Variants in MAPKAPK5 observed in about 807,000 individuals in gnomAD.
MAPKAPK5 encodes the protein MAP kinase-activated protein kinase 5.
In MAPKAPK5, 30 loss-of-function variants were observed where a neutral mutation model predicts 65.1. That is an observed-to-expected ratio of 0.46 (90% CI 0.34 to 0.63). The LOEUF (loss-of-function observed/expected upper bound fraction) is 0.63. MAPKAPK5 is among the 20% of genes least tolerant of loss of function. The pLI is 0.01. For missense variants in MAPKAPK5, 433 were observed against 581.4 expected, an observed-to-expected ratio of 0.74 and a Z score of 2.63; for synonymous variants, 179 against 204.6, an observed-to-expected ratio of 0.87 and a Z score of 1.07.
intron 13 of MAPKAPK5, among the ~76,000 whole-genome samples, chr12:111,891,773 C>G (rs1046569828): frequency 6.6e-6 from 1 of 150,550 alleles, no homozygotes; most frequent in African/African-American, 2.5e-5. Context: ...CACCACTGCA[C>G]TCCAGCCTGG....
In MAPKAPK5 at chr12:111,901,201, A is replaced by G. The variant is rs894568130; in HGVS notation, c.*8140A>G. 2.0e-5 allele frequency: 9 copies of G among 455,898 alleles called. No individual in the cohort carries two copies. Among genetic ancestry groups the G allele is most frequent in the African/African-American group, 1.8e-4 (9 of 50,040 alleles). The allele number at this position is 455,898 out of a possible 1,614,324, so 28.2% of individuals were successfully genotyped here. ...AATGGCACTTACTGTGCACCAAACA[A>G]AGTCTGCCTGAATTCCGCCTGCACA... is the stretch of plus-strand genomic sequence containing the variant. On this transcript the variant is annotated 3_prime_UTR_variant, in exon 14 of 14. Coordinates refer to ENST00000550735, the MANE Select transcript of MAPKAPK5 (RefSeq NM_003668.4).
intron 1 of MAPKAPK5, among the ~76,000 whole-genome samples, chr12:111,852,411 C>A (rs181366054): frequency 6.6e-6 from 1 of 152,176 alleles, no homozygotes; most frequent in African/African-American, 2.4e-5. Flanking sequence ...TGATGATGCA[C>A]CTCCACTTAA....
At chr12:111,848,392 C>G (rs528212350) in intron 1 of MAPKAPK5, among the ~76,000 whole-genome samples, 7 of 148,866 alleles carry the variant, frequency 4.7e-5, no homozygotes, top group Non-Finnish European at 7.4e-5. Context: ...GGTGAAGGGT[C>G]TGTTCCAATC....
rs540921141 is a variant in MAPKAPK5 at position 111,842,879 on chromosome 12, G to T, written c.36+110G>T. On this transcript the variant is annotated intron_variant, in intron 1 of 13. Transcript: ENST00000550735. Reference sequence around the variant, plus strand: ...AGTGAGAGGTTCCATCGACTACCGGGTTTCGGCCTCCCCCGGATTCCGTGG... The same window carrying T: ...AGTGAGAGGTTCCATCGACTACCGGTTTTCGGCCTCCCCCGGATTCCGTGG... The T allele has an allele frequency of 5.1e-5, 56 of 1,096,336 alleles. No individual in the cohort carries two copies. In the African/African-American group the frequency reaches 8.3e-4, roughly 16 times the overall value. 67.9% of individuals were successfully genotyped at this position (1,096,336 alleles called of 1,614,324 possible).
chr12:111,890,544 G>A (rs1007931282), intron 13 of MAPKAPK5, among the ~76,000 whole-genome samples: 6 of 152,184 alleles, frequency 3.9e-5, no homozygotes, highest in Admixed American at 2.0e-4. Flanking sequence ...TGCTGATCCC[G>A]CTGATCTGCT....
At chr12:111,879,462 T>C (rs1819300112) in intron 7 of MAPKAPK5, 1 of 148,742 alleles carries the variant, frequency 6.7e-6, no homozygotes, top group African/African-American at 2.5e-5. Flanking sequence ...CAATCTTGGC[T>C]CACCACAACC....
intron 9 of MAPKAPK5, 82 bp from the exon 10 acceptor site, chr12:111,885,834 T>A (rs1280825753): frequency 5.7e-6 from 9 of 1,576,002 alleles, no homozygotes; most frequent in Non-Finnish European, 6.9e-6. Context: ...TAACCAGAAC[T>A]GTTTAGAGCC....
chr12:111,855,777 A>G (rs1413554068), intron 1 of MAPKAPK5, among the ~76,000 whole-genome samples: 1 of 151,858 alleles, frequency 6.6e-6, no homozygotes. Context: ...CAGTGAGCCA[A>G]GATTGCGCCA....
Position 111,842,780 on chromosome 12 carries a change from G to A in MAPKAPK5, c.36+11G>A. On this transcript the variant is annotated intron_variant, in intron 1 of 13. Transcript: ENST00000550735. ...GACAAAGCCATCAAGGTAAGGGGGA[G>A]GTGCCCCCTCTTCCCCCGCGTTGTC... The A allele has an allele frequency of 7.6e-7, 1 of 1,323,444 alleles. No individual in the cohort carries two copies. Among genetic ancestry groups the A allele is most frequent in the Non-Finnish European group, 9.7e-7 (1 of 1,027,700 alleles). The allele number at this position is 1,323,444 out of a possible 1,614,324, so 82.0% of individuals were successfully genotyped here.
intron 1 of MAPKAPK5, among the ~76,000 whole-genome samples, chr12:111,848,632 T>C (rs2068975837): frequency 1.3e-5 from 2 of 151,692 alleles, no homozygotes; most frequent in African/African-American, 2.4e-5. Flanking sequence ...AGGCTGGTCT[T>C]GAACTCCTGA....
intron 1 of MAPKAPK5, among the ~76,000 whole-genome samples, chr12:111,850,654 T>A (rs1481307862): frequency 6.6e-6 from 1 of 152,066 alleles, no homozygotes; most frequent in East Asian, 1.9e-4. Context: ...CAGACAAAAA[T>A]GCCCTGTTCT....
chr12:111,874,690 T>C (rs1346214056), intron 7 of MAPKAPK5, among the ~76,000 whole-genome samples: 1 of 150,722 alleles, frequency 6.6e-6, no homozygotes, highest in Non-Finnish European at 1.5e-5. Context: ...CTCGAACTCC[T>C]GACCTCAGGT....
Position 111,900,514 on chromosome 12 carries a change from A to G in MAPKAPK5, c.*7453A>G, listed in dbSNP as rs1408605786. 2.2e-6 allele frequency: 1 copy of G among 455,986 alleles called. No homozygotes were observed. Among genetic ancestry groups the G allele is most frequent in the African/African-American group, 2.0e-5 (1 of 50,086 alleles). 28.2% of individuals were successfully genotyped at this position (455,986 alleles called of 1,614,324 possible). ...TTCTACCAGTTCCTTCGAGAACACA[A>G]AGGGGCCTGCCTATTTAACAAGCCA... On this transcript the variant is annotated 3_prime_UTR_variant, in exon 14 of 14. Coordinates refer to ENST00000550735, the MANE Select transcript of MAPKAPK5 (RefSeq NM_003668.4).
chr12:111,859,938 C>T (rs2069377603), intron 1 of MAPKAPK5, among the ~76,000 whole-genome samples: 5 of 152,192 alleles, frequency 3.3e-5, no homozygotes, highest in Admixed American at 1.3e-4. Context: ...CGTGAGCCAC[C>T]GTGCCCAGCG....
At position 111,871,076 on chromosome 12, in the gene MAPKAPK5, T is replaced by C. The variant is rs536269478; in HGVS notation, c.484-9T>C. ...CTGGAGCAGTGACTCCTTTTTTTTT[T>C]AATTTCAGGATGCCCCAGTGAAGTT... On this transcript the variant is annotated splice_polypyrimidine_tract_variant and intron_variant, in intron 6 of 13. Transcript: ENST00000550735. 4 of 1,607,906 alleles carry C rather than the reference T, an allele frequency of 2.5e-6. No homozygotes were observed. The highest frequency in any genetic ancestry group is 3.4e-6 in the Non-Finnish European group (4 of 1,176,570).
chr12:111,886,649 G>A (rs1011230366), intron 10 of MAPKAPK5, among the ~76,000 whole-genome samples: 3 of 152,318 alleles, frequency 2.0e-5, no homozygotes, highest in East Asian at 1.9e-4. Context: ...ATACATCATC[G>A]GGAAAAATAA....
intron 7 of MAPKAPK5, among the ~76,000 whole-genome samples, chr12:111,876,807 T>C (rs755785553): frequency 5.9e-5 from 9 of 152,204 alleles, no homozygotes; most frequent in African/African-American, 2.2e-4. Flanking sequence ...ATATACTCAA[T>C]AGTGGCACTG....
intron 3 of MAPKAPK5, 92 bp downstream of exon 3, chr12:111,866,323 G>A (rs981864881): frequency 7.1e-6 from 8 of 1,130,600 alleles, no homozygotes; most frequent in Non-Finnish European, 1.0e-5. Flanking sequence ...AGAATACAGT[G>A]ATGCATAAAA....
At chr12:111,849,437 G>T (rs1034693565) in intron 1 of MAPKAPK5, among the ~76,000 whole-genome samples, 5 of 151,434 alleles carry the variant, frequency 3.3e-5, no homozygotes, top group African/African-American at 7.3e-5. Flanking sequence ...TGTATTTTTA[G>T]TAGAGACTAA....
Sources: allele counts gnomAD v4.1 joint callset (sites outside exome capture counted in the v4.1 genomes callset), GRCh38; gene constraint gnomAD v4.1.1; transcripts MANE v1.5; gene names NCBI Gene and HGNC (gene_info 2026-07-23, HGNC 2026-07-21).